Variants in PLEKHA6 observed in about 807,000 individuals in gnomAD.
PLEKHA6 encodes the protein pleckstrin homology domain containing A6, also known as pleckstrin homology domain-containing family A member 6.
PLEKHA6 carries 60 observed loss-of-function variants against 116.7 expected under a neutral mutation model. That is an observed-to-expected ratio of 0.51 (90% CI 0.42 to 0.64). The LOEUF (loss-of-function observed/expected upper bound fraction) is 0.64. Among genes scored for constraint, PLEKHA6 ranks in the 30% least tolerant of loss-of-function variants. The pLI, the probability that PLEKHA6 is intolerant of heterozygous loss-of-function variation, is 0.00. For missense variants in PLEKHA6, 1,338 were observed against 1,422.7 expected (o/e 0.94, Z 0.96); for synonymous variants, 489 against 556.1 (o/e 0.88, Z 1.70).
At position 204,238,253 on chromosome 1, in the gene PLEKHA6, G is replaced by A. The variant is rs377316630; in HGVS notation, c.2409+3122C>T. Reference sequence around the variant, plus strand: ...TGCCAACTGGGCCATATGACCCAGCGGATCCAATGGTGCTTGAGGTGTCAG... The same window carrying A: ...TGCCAACTGGGCCATATGACCCAGCAGATCCAATGGTGCTTGAGGTGTCAG... On this transcript the variant is annotated intron_variant, in intron 17 of 22. Transcript: ENST00000272203. The surrounding 1 kb of genome is among the most constrained non-coding windows in gnomAD (Gnocchi z 4.2). Among the ~76,000 whole-genome samples the A allele has an allele frequency of 3.3e-5, 5 of 152,164 alleles. No homozygotes were observed. The East Asian group carries it at 7.7e-4, about 23-fold the overall frequency.
intron 17 of PLEKHA6, among the ~76,000 whole-genome samples, chr1:204,231,057 T>C (rs1661117506): frequency 6.6e-6 from 1 of 152,184 alleles, no homozygotes; most frequent in South Asian, 2.1e-4. Context: ...TTCTACTGTT[T>C]TAAGCCACCC....
rs775252585 is a variant in PLEKHA6, at chr1:204,228,095, G to A, written c.3019C>T (p.Arg1007Cys). ...ALATEASRRG[R>C]MLSVQCATPS... ...CAGCCCCTCTCACCAGACAGCATGC[G>A]GCCCCTGCGGGAGGCCTCGGTCGCC... Residue 1007 changes from arginine (R) to cysteine (C), a missense_variant, in exon 21 of 23, where the codon CGC becomes TGC. Transcript: ENST00000272203. The surrounding 1 kb of genome is among the most constrained non-coding windows in gnomAD (Gnocchi z 4.0). 22 of 1,612,334 alleles carry A rather than the reference G, an allele frequency of 1.4e-5. No homozygotes were observed. In the Admixed American group the frequency reaches 1.7e-4, roughly 12 times the overall value.
At chr1:204,283,736 C>T (rs543429258) in intron 1 of PLEKHA6, among the ~76,000 whole-genome samples, 1 of 152,348 alleles carries the variant, frequency 6.6e-6, no homozygotes, top group African/African-American at 2.4e-5. Flanking sequence ...ATGAAAGCCA[C>T]AAACTCTTTC....
intron 1 of PLEKHA6, among the ~76,000 whole-genome samples, chr1:204,329,553 C>A (rs1418824078): frequency 6.6e-6 from 1 of 152,216 alleles, no homozygotes; most frequent in Admixed American, 6.5e-5. Flanking sequence ...AAAAAAGAGA[C>A]AACCAGACAT....
intron 9 of PLEKHA6, among the ~76,000 whole-genome samples, chr1:204,253,355 A>T (rs1262941539): frequency 6.6e-6 from 1 of 152,160 alleles, no homozygotes; most frequent in African/African-American, 2.4e-5. Context: ...TGTAAATGGC[A>T]GAGCTAGAAC....
At chr1:204,319,971 A>G (rs548245981) in intron 1 of PLEKHA6, among the ~76,000 whole-genome samples, 2 of 152,278 alleles carry the variant, frequency 1.3e-5, no homozygotes, top group South Asian at 4.1e-4. Flanking sequence ...GTCTAATTCT[A>G]ACAGGGACGA....
At position 204,259,232 on chromosome 1, in the gene PLEKHA6, C is replaced by G; in HGVS notation, c.1007+26G>C. ...CTCTAGCCATAATACCATATCAGCC[C>G]CACCCCAGCCGCCGGCATGCCTCAC... On this transcript the variant is annotated intron_variant, in intron 8 of 22. Transcript: ENST00000272203. The surrounding 1 kb of genome is among the most constrained non-coding windows in gnomAD (Gnocchi z 4.6). 1 of 1,607,376 alleles carries G rather than the reference C, an allele frequency of 6.2e-7. No individual in the cohort carries two copies. Among genetic ancestry groups the G allele is most frequent in the South Asian group, 1.1e-5 (1 of 90,272 alleles).
chr1:204,294,026 A>C (rs1670027312), intron 1 of PLEKHA6, among the ~76,000 whole-genome samples: 1 of 152,244 alleles, frequency 6.6e-6, no homozygotes, highest in Non-Finnish European at 1.5e-5. Context: ...TGAGTCTGTT[A>C]ATTGTACTGT....
chr1:204,247,078 A>C (rs1663798650), intron 13 of PLEKHA6, among the ~76,000 whole-genome samples: 1 of 152,192 alleles, frequency 6.6e-6, no homozygotes, highest in Non-Finnish European at 1.5e-5. Flanking sequence ...TCAAGGCTGC[A>C]GTGAGCTGTG....
chr1:204,298,127 G>A (rs943831660), intron 1 of PLEKHA6, among the ~76,000 whole-genome samples: 3 of 152,372 alleles, frequency 2.0e-5, no homozygotes, highest in Middle Eastern at 3.4e-3. Context: ...AAGAGCAGCA[G>A]CCAGTCAAAA....
In PLEKHA6 at chr1:204,257,373, G is replaced by A. The variant is rs1440790251; in HGVS notation, c.1504C>T (p.Arg502Ter). Residue 502 changes from arginine (R) to a stop codon, truncating the protein, a stop_gained, in exon 9 of 23, where the codon CGA becomes TGA. Coordinates refer to ENST00000272203, the MANE Select transcript of PLEKHA6 (RefSeq NM_014935.5). LOFTEE classifies it high-confidence loss of function. This position sits in a 1 kb window ranked among gnomAD's most constrained non-coding sequence, Gnocchi z 6.5. ...YADPAAYVMR[R>*]SISSPKVPPY... Reference sequence around the variant, plus strand: ...CTCACCTTGGGGGAGCTGATGGATCGCCTCATCACATAGGCAGCAGGGTCA... The same window carrying A: ...CTCACCTTGGGGGAGCTGATGGATCACCTCATCACATAGGCAGCAGGGTCA... 5.1e-6 allele frequency: 8 copies of A among 1,562,460 alleles called. No homozygotes were observed. The highest frequency in any genetic ancestry group is 1.2e-5 in the South Asian group (1 of 84,754).
At chr1:204,230,697 G>A (rs1160883559) in intron 17 of PLEKHA6, 111 bp from the exon 18 acceptor site, 28 of 883,346 alleles carry the variant, frequency 3.2e-5, no homozygotes, top group Non-Finnish European at 4.4e-5. Context: ...GTAGTGGACT[G>A]AAGAGTGGTC....
At chr1:204,241,925 C>T (rs1662879808) in intron 15 of PLEKHA6, 111 bp from the exon 16 acceptor site, 3 of 1,175,290 alleles carry the variant, frequency 2.6e-6, no homozygotes, top group African/African-American at 3.0e-5. Flanking sequence ...CTTGCAGATA[C>T]AAGGAACAAG....
intron 1 of PLEKHA6, among the ~76,000 whole-genome samples, chr1:204,345,533 C>T (rs1252718646): frequency 6.6e-6 from 1 of 152,012 alleles, no homozygotes; most frequent in Admixed American, 6.6e-5. Context: ...TCTTCCCGCC[C>T]CCCTCAGGTC....
chr1:204,354,711 C>A (rs1017319961), intron 1 of PLEKHA6, among the ~76,000 whole-genome samples: 1 of 152,216 alleles, frequency 6.6e-6, no homozygotes, highest in Non-Finnish European at 1.5e-5. Context: ...TCCAGATGAG[C>A]CTTCTCTCCA....
At chr1:204,365,725 T>C (rs561676212) in intron 3 of PLEKHA6, among the ~76,000 whole-genome samples, 1 of 152,340 alleles carries the variant, frequency 6.6e-6, no homozygotes, top group African/African-American at 2.4e-5. Context: ...CCAGAAAGGT[T>C]CTAGGAGGGA....
intron 14 of PLEKHA6, 123 bp from the exon 15 acceptor site, chr1:204,245,126 G>C: frequency 4.6e-6 from 3 of 652,596 alleles, no homozygotes; most frequent in Non-Finnish European, 7.2e-6. Flanking sequence ...GGCAGATTTA[G>C]TGTCTCAGGG....
At chr1:204,242,107 GCTGTGAGCCAGAT>G (rs1192270703) in intron 15 of PLEKHA6, among the ~76,000 whole-genome samples, 5 of 152,162 alleles carry the variant, frequency 3.3e-5, no homozygotes, top group Non-Finnish European at 4.4e-5. Context: ...CCACAGACTT[GCTGTGAGCCAGAT>G]TCAAGGAATG....
At chr1:204,274,087 C>T (rs1667764253) in intron 2 of PLEKHA6, among the ~76,000 whole-genome samples, 1 of 152,040 alleles carries the variant, frequency 6.6e-6, no homozygotes, top group South Asian at 2.1e-4. Flanking sequence ...GCATGGGCCA[C>T]CATGCCTAGC....
Sources: allele counts gnomAD v4.1 joint callset (sites outside exome capture counted in the v4.1 genomes callset), GRCh38; gene constraint gnomAD v4.1.1; non-coding constraint Gnocchi (gnomAD v3.1); transcripts MANE v1.5; gene names NCBI Gene and HGNC (gene_info 2026-07-23, HGNC 2026-07-21).